The following FAM162B variants were observed in gnomAD, a reference collection of about 807,000 sequenced individuals.
FAM162B encodes the protein protein FAM162B.
In FAM162B, 16 loss-of-function variants were observed where a neutral mutation model predicts 20.0. That is an observed-to-expected ratio of 0.80 (90% CI 0.54 to 1.21). The LOEUF is 1.21. FAM162B is among the 50% of genes most tolerant of loss of function. The pLI is 0.00. For synonymous variants in FAM162B, 83 were observed against 89.7 expected (o/e 0.93, Z 0.42); for missense variants, 260 against 227.5 (o/e 1.14, Z -0.92).
Position 116,765,219 on chromosome 6 carries a change from G to C in FAM162B, c.209C>G (p.Ser70Trp). 6.2e-7 allele frequency: 1 copy of C among 1,613,888 alleles called. No individual in the cohort carries two copies. The highest frequency in any genetic ancestry group is 8.5e-7 in the Non-Finnish European group (1 of 1,179,960). The stretch of plus-strand genomic sequence containing the variant: ...CAGCAGGATTTTCTTGTCGAACTGC[G>C]AAGGCCTGCGCTGCGTGGGGACTCG... ...IHRVPTQRRP[S>W]QFDKKILLWT... The change falls in exon 2 of 4, where the codon TCG becomes TGG. Residue 70 changes from serine (S) to tryptophan (W), a missense_variant. Transcript: ENST00000368557.
intron 3 of FAM162B, among the ~76,000 whole-genome samples, chr6:116,756,526 CTTAG>C (rs1181923237): frequency 2.0e-5 from 3 of 152,160 alleles, no homozygotes; most frequent in Non-Finnish European, 4.4e-5. Flanking sequence ...ATTACATAAA[CTTAG>C]TTAATAAAGT....
intron 3 of FAM162B, among the ~76,000 whole-genome samples, chr6:116,759,304 T>C (rs535845321): frequency 2.0e-5 from 3 of 150,524 alleles, no homozygotes; most frequent in Non-Finnish European, 3.0e-5. Context: ...TCTTTCTTTT[T>C]TTTTTTTTTT....
At chr6:116,756,297 G>A (rs189232869) in intron 3 of FAM162B, among the ~76,000 whole-genome samples, 1 of 152,284 alleles carries the variant, frequency 6.6e-6, no homozygotes, top group East Asian at 1.9e-4. Flanking sequence ...CTTCAGTGGA[G>A]GAAGTATGAG....
chr6:116,756,238 C>T (rs375338093), intron 3 of FAM162B, among the ~76,000 whole-genome samples: 15 of 152,178 alleles, frequency 9.9e-5, no homozygotes, highest in Middle Eastern at 3.4e-3. Flanking sequence ...AATAGGAGTT[C>T]GGACGAAGCT....
chr6:116,760,267 T>C (rs1780125130), intron 3 of FAM162B, among the ~76,000 whole-genome samples: 1 of 152,226 alleles, frequency 6.6e-6, no homozygotes, highest in Non-Finnish European at 1.5e-5. Flanking sequence ...ACTTTTTGTG[T>C]CAGATTCACA....
In FAM162B at chr6:116,765,494, G is replaced by A. The variant is rs1771895032; in HGVS notation, c.83C>T (p.Thr28Met). 1 of 1,405,950 alleles carries A rather than the reference G, an allele frequency of 7.1e-7. No homozygotes were observed. Among genetic ancestry groups the A allele is most frequent in the Non-Finnish European group, 9.2e-7 (1 of 1,086,008 alleles). The allele number at this position is 1,405,950 out of a possible 1,614,324, so 87.1% of individuals were successfully genotyped here. Reference sequence around the variant, plus strand: ...CGGAAGAGCCGGTGCGGGCCGTCGCGTGGCCTCGAGAGGCGCCCCGGGGCC... The same window carrying A: ...CGGAAGAGCCGGTGCGGGCCGTCGCATGGCCTCGAGAGGCGCCCCGGGGCC... ...RCGPGAPLEA[T>M]RRPAPALPPR... The change falls in exon 1 of 4, where the codon ACG becomes ATG. Residue 28 changes from threonine to methionine, a missense_variant. Physicochemically the swap from Thr to Met is moderately conservative, Grantham distance 81. Transcript: ENST00000368557.
Position 116,752,656 on chromosome 6 carries a change from C to A in FAM162B, c.430G>T (p.Ala144Ser). The A allele has an allele frequency of 1.3e-6, 2 of 1,587,850 alleles. No homozygotes were observed. Among genetic ancestry groups the A allele is most frequent in the South Asian group, 1.1e-5 (1 of 87,816 alleles). ...TCTTCACGCCACTTAGCTTTCTTTG[C>A]CAAGTTCCAACTTGTTAAGGATTCA... ...RHESLTSWNL[A>S]KKAKWREEAA... The change falls in exon 4 of 4, where the codon GCA becomes TCA. Residue 144 changes from alanine to serine, a missense_variant. Transcript: ENST00000368557.
chr6:116,752,572 G>T lies in FAM162B; in HGVS notation c.*25C>A. ...TTGCTGATGACAGGGATGGTATTCA[G>T]GTGAACACTTTGTCACTTAGAATAT... On this transcript the variant is annotated 3_prime_UTR_variant, in exon 4 of 4. Transcript: ENST00000368557. 2 of 1,377,750 alleles carry T rather than the reference G, an allele frequency of 1.5e-6. No individual in the cohort carries two copies. The highest frequency in any genetic ancestry group is 1.4e-5 in the South Asian group (1 of 71,078). The allele number at this position is 1,377,750 out of a possible 1,614,324, so 85.3% of individuals were successfully genotyped here.
chr6:116,765,546 G>A lies in FAM162B; in HGVS notation c.31C>T (p.Leu11Phe). 7.2e-7 allele frequency: 1 copy of A among 1,385,110 alleles called. No individual in the cohort carries two copies. Among genetic ancestry groups the A allele is most frequent in the South Asian group, 1.7e-5 (1 of 57,480 alleles). The allele number at this position is 1,385,110 out of a possible 1,614,324, so 85.8% of individuals were successfully genotyped here. A position where few individuals can be genotyped will look rare whatever the true frequency, so the allele number is the denominator to read the frequency against. Residue 11 changes from leucine to phenylalanine, a missense_variant, in exon 1 of 4, where the codon CTT becomes TTT. By Grantham distance (22) the Leu-to-Phe change is conservative (BLOSUM62 0). Coordinates refer to ENST00000368557, the MANE Select transcript of FAM162B (RefSeq NM_001085480.3). The stretch of plus-strand genomic sequence containing the variant: ...CAGCGGACTGTTAGCCCGCGGCCAA[G>A]GCGCAGTAGGCTCCCGACCGCCCTG... The part of the protein sequence containing the change: MLRAVGSLLR[L>F]GRGLTVRCGP...
At chr6:116,756,618 C>G (rs1289397744) in intron 3 of FAM162B, among the ~76,000 whole-genome samples, 3 of 152,116 alleles carry the variant, frequency 2.0e-5, no homozygotes, top group Non-Finnish European at 2.9e-5. Flanking sequence ...AACAGCATTG[C>G]CTGCTACATG....
At position 116,753,086 on chromosome 6, in the gene FAM162B, C is replaced by G. The variant is rs151035136; in HGVS notation, c.391-391G>C. ...TAGAGAGTTGACATATTTTGTTCCCCCTGCCTACCAGTCTTTCCCTAGCCA... is the reference window on the plus strand; with the variant it reads ...TAGAGAGTTGACATATTTTGTTCCCGCTGCCTACCAGTCTTTCCCTAGCCA... On this transcript the variant is annotated intron_variant, in intron 3 of 3. Coordinates refer to ENST00000368557, the MANE Select transcript of FAM162B (RefSeq NM_001085480.3). Among the ~76,000 whole-genome samples the G allele has an allele frequency of 3.1e-3, 467 of 152,020 alleles. 3 individuals are homozygous for G. The highest frequency in any genetic ancestry group is 0.011 in the African/African-American group (447 of 41,482).
chr6:116,760,813 C>CT (rs1283300089), intron 3 of FAM162B, among the ~76,000 whole-genome samples: 8 of 152,096 alleles, frequency 5.3e-5, no homozygotes, highest in African/African-American at 1.7e-4. Flanking sequence ...TATCAGTAGG[C>CT]TTGTAAGTCC....
chr6:116,754,817 G>GCAATATTT (rs1273425063), intron 3 of FAM162B, among the ~76,000 whole-genome samples: 3 of 151,878 alleles, frequency 2.0e-5, no homozygotes, highest in Non-Finnish European at 4.4e-5. Context: ...GCTAATTTTT[G>GCAATATTT]CAATATTTCA....
intron 1 of FAM162B, 66 bp downstream of exon 1, chr6:116,765,339 C>T (rs774563038): frequency 6.5e-6 from 10 of 1,537,592 alleles, no homozygotes; most frequent in Non-Finnish European, 8.8e-6. Context: ...ACTCCCGGGC[C>T]GGCCCCTCGC....
chr6:116,765,028 G>A, intron 2 of FAM162B, 119 bp downstream of exon 2: 1 of 837,148 alleles, frequency 1.2e-6, no homozygotes, highest in Non-Finnish European at 2.0e-6. Context: ...GGGTGATATT[G>A]CGAAGTGTTG....
In FAM162B at chr6:116,752,320, A is replaced by G. The variant is rs1344689598; in HGVS notation, c.*277T>C. The G allele has an allele frequency of 6.2e-6, 1 of 162,598 alleles. No individual in the cohort carries two copies. Among genetic ancestry groups the G allele is most frequent in the Non-Finnish European group, 1.3e-5 (1 of 75,102 alleles). 10.1% of individuals were successfully genotyped at this position (162,598 alleles called of 1,614,324 possible). ...AGAAAAGGCAGGAATGAGGCTGTGA[A>G]GTGTTGCCAATATTCTACATCTTCA... On this transcript the variant is annotated 3_prime_UTR_variant, in exon 4 of 4. Coordinates refer to ENST00000368557, the MANE Select transcript of FAM162B (RefSeq NM_001085480.3).
chr6:116,762,038 C>T lies in FAM162B; in HGVS notation c.329G>A (p.Cys110Tyr), dbSNP rs1438211138. ...AATTGTGAGTCCAATCATTATGTAA[C>T]AAGCTTTCACTCGAGCTTTGTTTCT... ...TARNKARVKA[C>Y]YIMIGLTIIA... The change falls in exon 3 of 4, where the codon TGT becomes TAT. Residue 110 changes from cysteine (C) to tyrosine (Y), a missense_variant. Physicochemically the swap from Cys to Tyr is radical, Grantham distance 194. Transcript: ENST00000368557. 1 of 1,601,094 alleles carries T rather than the reference C, an allele frequency of 6.2e-7. No homozygotes were observed. The highest frequency in any genetic ancestry group is 1.7e-5 in the Admixed American group (1 of 59,780).
chr6:116,765,081 G>A, intron 2 of FAM162B, 66 bp downstream of exon 2: 7 of 1,525,492 alleles, frequency 4.6e-6, no homozygotes, highest in Non-Finnish European at 6.3e-6. Flanking sequence ...CGGTCGGAAG[G>A]TGGGTCACCC....
intron 1 of FAM162B, 65 bp downstream of exon 1, chr6:116,765,340 G>T (rs1428040528): frequency 1.3e-6 from 2 of 1,537,742 alleles, no homozygotes; most frequent in African/African-American, 1.4e-5. Context: ...CTCCCGGGCC[G>T]GCCCCTCGCT....
Sources: allele counts gnomAD v4.1 joint callset (sites outside exome capture counted in the v4.1 genomes callset), GRCh38; gene constraint gnomAD v4.1.1; transcripts MANE v1.5; gene names NCBI Gene and HGNC (gene_info 2026-07-23, HGNC 2026-07-21).